Variants in PRDM16 observed in about 807,000 individuals in gnomAD.
The protein encoded by PRDM16 is PR/SET domain 16.
Under a neutral mutation model 110.6 loss-of-function variants are expected in PRDM16, and 23 were observed. The ratio of observed to expected loss-of-function variants is 0.21; its 90% CI spans 0.15 to 0.29. The LOEUF is 0.29. Ranked by LOEUF, PRDM16 falls within the 10% of genes least tolerant of loss-of-function variation. PRDM16 has a pLI of 1.00. For missense variants in PRDM16, 1,615 were observed against 1,794.3 expected, an observed-to-expected ratio of 0.90 and a Z score of 1.81; for synonymous variants, 799 against 781.8, an observed-to-expected ratio of 1.02 and a Z score of -0.37.
intron 3 of PRDM16, among the ~76,000 whole-genome samples, chr1:3,343,483 G>A (rs1642308537): frequency 6.7e-6 from 1 of 149,014 alleles, no homozygotes; most frequent in Non-Finnish European, 1.5e-5. Flanking sequence ...CTCTTCCTTT[G>A]GGTTTAGTGC....
intron 1 of PRDM16, among the ~76,000 whole-genome samples, chr1:3,131,202 C>T (rs1643329274): frequency 6.6e-6 from 1 of 152,270 alleles, no homozygotes; most frequent in African/African-American, 2.4e-5. Context: ...CACAGAAAAG[C>T]AAGACTCCCT....
At chr1:3,178,036 T>A (rs1644108943) in intron 1 of PRDM16, among the ~76,000 whole-genome samples, 2 of 152,148 alleles carry the variant, frequency 1.3e-5, no homozygotes. Flanking sequence ...GAGACTGAAG[T>A]TAAAAACAGA....
rs536509694 is a variant in PRDM16, at chr1:3,342,176, C to T, written c.439-42976C>T. Among the ~76,000 whole-genome samples, 17 of 152,278 alleles carry T rather than the reference C, an allele frequency of 1.1e-4. No individual in the cohort carries two copies. The East Asian group carries it at 2.7e-3, about 24-fold the overall frequency. On this transcript the variant is annotated intron_variant, in intron 3 of 16. Transcript: ENST00000270722. ...TGCCACCAACACCCTCCCCACCGAA[C>T]CCCAGAAGTAACCTTGGAACCCACA...
intron 3 of PRDM16, among the ~76,000 whole-genome samples, chr1:3,362,677 C>T (rs1642738552): frequency 6.6e-6 from 1 of 152,176 alleles, no homozygotes; most frequent in Non-Finnish European, 1.5e-5. Flanking sequence ...TACCACAGAT[C>T]CCACAGCAGG....
intron 12 of PRDM16, among the ~76,000 whole-genome samples, chr1:3,422,308 C>T (rs1638462875): frequency 6.6e-6 from 1 of 150,518 alleles, no homozygotes; most frequent in Non-Finnish European, 1.5e-5. Flanking sequence ...GACAGACAGG[C>T]AGACAGACAA....
At position 3,190,133 on chromosome 1, in the gene PRDM16, G is replaced by A. The variant is rs74050168; in HGVS notation, c.387+3659G>A. On this transcript the variant is annotated intron_variant, in intron 2 of 16. Transcript: ENST00000270722. The surrounding 1 kb of genome is among the most constrained non-coding windows in gnomAD (Gnocchi z 5.0). ...GGATGAGAGATGGGGCGGGCAGCAC[G>A]TGAGGCACCCACGAGCTTTGGGTTC... Among the ~76,000 whole-genome samples the A allele has an allele frequency of 0.012, 1,825 of 152,148 alleles. 43 individuals carry two copies. The highest frequency in any genetic ancestry group is 0.041 in the African/African-American group (1,682 of 41,484).
At chr1:3,341,526 CAA>C (rs1252596850) in intron 3 of PRDM16, among the ~76,000 whole-genome samples, 1 of 152,180 alleles carries the variant, frequency 6.6e-6, no homozygotes, top group African/African-American at 2.4e-5. Flanking sequence ...GAAGCACAGA[CAA>C]AGAGGAAGAA....
chr1:3,117,810 G>T (rs952598611), intron 1 of PRDM16, among the ~76,000 whole-genome samples: 1 of 152,110 alleles, frequency 6.6e-6, no homozygotes, highest in South Asian at 2.1e-4. Context: ...AGACCCCAGG[G>T]CTCGCTGGTC....
At chr1:3,285,748 C>T (rs1400495276) in intron 3 of PRDM16, among the ~76,000 whole-genome samples, 1 of 152,194 alleles carries the variant, frequency 6.6e-6, no homozygotes, top group Non-Finnish European at 1.5e-5. Context: ...AGCCTTGCTC[C>T]CAGGCCATGG....
Position 3,349,885 on chromosome 1 carries a change from G to C in PRDM16, c.439-35267G>C, listed in dbSNP as rs561747782. On this transcript the variant is annotated intron_variant, in intron 3 of 16. Coordinates refer to ENST00000270722, the MANE Select transcript of PRDM16 (RefSeq NM_022114.4). ...CGCAGCCTCCAAAGCCCGGGGCTGG[G>C]CTTGCTCAGGCGCCCTCTGCCGTGA... Among the ~76,000 whole-genome samples the C allele has an allele frequency of 5.9e-5, 9 of 152,326 alleles. No homozygotes were observed. The South Asian group carries it at 1.9e-3, about 32-fold the overall frequency.
intron 3 of PRDM16, chr1:3,308,896 T>A (rs2100409286): frequency 6.6e-6 from 1 of 152,352 alleles, no homozygotes; most frequent in South Asian, 2.1e-4. Flanking sequence ...TTCGCCATGA[T>A]GGTGCCCGGC....
chr1:3,072,909 G>A (rs1177248192), intron 1 of PRDM16, among the ~76,000 whole-genome samples: 1 of 152,270 alleles, frequency 6.6e-6, no homozygotes. Context: ...GGCTGCGCAG[G>A]TGTGCCATGG....
chr1:3,345,220 G>A (rs143898987), intron 3 of PRDM16, among the ~76,000 whole-genome samples: 1 of 152,328 alleles, frequency 6.6e-6, no homozygotes, highest in East Asian at 1.9e-4. Context: ...CAAGGGTTCA[G>A]TTCCTCCAGT....
chr1:3,270,241 GACAGTCCAGGAGAAGGACAGGAGGAGC>G (rs1260666716), intron 3 of PRDM16, among the ~76,000 whole-genome samples: 1 of 150,702 alleles, frequency 6.6e-6, no homozygotes, highest in African/African-American at 2.4e-5. Context: ...TCAGGAGGAG[GACAGTCCAGGAGAAGGACAGGAGGAGC>G]ACAGTCCCGG....
intron 3 of PRDM16, among the ~76,000 whole-genome samples, chr1:3,260,222 G>A (rs961169100): frequency 6.6e-6 from 1 of 152,218 alleles, no homozygotes; most frequent in Admixed American, 6.5e-5. Flanking sequence ...GGTTCTGGGG[G>A]GCCAGGCCCC....
chr1:3,193,822 G>A (rs1569816521), intron 2 of PRDM16, among the ~76,000 whole-genome samples: 1 of 152,238 alleles, frequency 6.6e-6, no homozygotes, highest in Non-Finnish European at 1.5e-5. Flanking sequence ...GGCAGAGGCT[G>A]GGGGCTGCGG....
chr1:3,200,268 C>T (rs1638587203), intron 2 of PRDM16, among the ~76,000 whole-genome samples: 1 of 152,202 alleles, frequency 6.6e-6, no homozygotes, highest in South Asian at 2.1e-4. Context: ...CTGAAGCCTG[C>T]ACACCGGCAG....
intron 3 of PRDM16, among the ~76,000 whole-genome samples, chr1:3,381,979 G>A (rs1351744048): frequency 6.6e-6 from 1 of 152,210 alleles, no homozygotes; most frequent in African/African-American, 2.4e-5. Context: ...GAGGGAGGGG[G>A]GGCCTCGTGG....
rs1639791671 is a variant in PRDM16, at chr1:3,246,423, C to T, written c.438+2286C>T. 6.6e-6 allele frequency among the ~76,000 whole-genome samples: 1 copy of T among 152,198 alleles called. No individual in the cohort carries two copies. Among genetic ancestry groups the T allele is most frequent in the South Asian group, 2.1e-4 (1 of 4,826 alleles). On this transcript the variant is annotated intron_variant, in intron 3 of 16. Transcript: ENST00000270722. The surrounding 1 kb of genome is among the most constrained non-coding windows in gnomAD (Gnocchi z 5.2). ...GAGCAGACCCGATGCACGAGACCCC[C>T]CACGGCACCGCCGCGACTGCAGGGA...
Sources: allele counts gnomAD v4.1 joint callset (sites outside exome capture counted in the v4.1 genomes callset), GRCh38; gene constraint gnomAD v4.1.1; non-coding constraint Gnocchi (gnomAD v3.1); transcripts MANE v1.5; gene names NCBI Gene and HGNC (gene_info 2026-07-23, HGNC 2026-07-21).